Variants in IGF2BP2 observed in about 807,000 individuals in gnomAD.
IGF2BP2 encodes insulin-like growth factor 2 mRNA-binding protein 2.
In IGF2BP2, 17 loss-of-function variants were observed where a neutral mutation model predicts 75.8. That is an observed-to-expected ratio of 0.22 (90% confidence interval 0.15 to 0.34). The LOEUF is 0.34. IGF2BP2 is among the 10% of genes least tolerant of loss of function. IGF2BP2 has a pLI of 1.00. For synonymous variants in IGF2BP2, 288 were observed against 295.6 expected, an observed-to-expected ratio of 0.97 and a Z score of 0.26; for missense variants, 516 against 772.4, an observed-to-expected ratio of 0.67 and a Z score of 3.93.
chr3:185,815,438 ACAACAAGC>A (rs1471856987), intron 2 of IGF2BP2, among the ~76,000 whole-genome samples: 8 of 152,176 alleles, frequency 5.3e-5, no homozygotes, highest in Non-Finnish European at 1.0e-4. Context: ...AATGAGATGG[ACAACAAGC>A]CACTGCCTTC....
chr3:185,710,409 C>G (rs1440477254), intron 2 of IGF2BP2, among the ~76,000 whole-genome samples: 1 of 151,998 alleles, frequency 6.6e-6, no homozygotes, highest in African/African-American at 2.4e-5. Flanking sequence ...GAAGTTTCCT[C>G]TGTTACAGGA....
chr3:185,797,680 G>C (rs1737614454), intron 2 of IGF2BP2, among the ~76,000 whole-genome samples: 1 of 152,096 alleles, frequency 6.6e-6, no homozygotes, highest in Non-Finnish European at 1.5e-5. Flanking sequence ...AATGCAGGCG[G>C]ATCAGCTGGG....
chr3:185,748,488 T>C (rs1730559635), intron 2 of IGF2BP2, among the ~76,000 whole-genome samples: 1 of 152,228 alleles, frequency 6.6e-6, no homozygotes, highest in Non-Finnish European at 1.5e-5. Flanking sequence ...ATAGGTTACA[T>C]AGAAGTTCTC....
At chr3:185,769,358 AT>A (rs201821540) in intron 2 of IGF2BP2, among the ~76,000 whole-genome samples, 2 of 151,948 alleles carry the variant, frequency 1.3e-5, no homozygotes, top group Admixed American at 1.3e-4. Flanking sequence ...CTGTCTCCAA[AT>A]TTTTTTTAAA....
intron 2 of IGF2BP2, among the ~76,000 whole-genome samples, chr3:185,745,224 CTAAA>C (rs1730095098): frequency 6.6e-6 from 1 of 152,094 alleles, no homozygotes; most frequent in African/African-American, 2.4e-5. Flanking sequence ...CTCTGCAATC[CTAAA>C]TAGAGGAATG....
chr3:185,645,694 AG>A lies in IGF2BP2; in HGVS notation c.1708-72del. 3 of 1,146,322 alleles carry A rather than the reference AG, an allele frequency of 2.6e-6. No homozygotes were observed. In the Admixed American group the frequency reaches 5.2e-5, roughly 20 times the overall value. The allele number at this position is 1,146,322 out of a possible 1,614,324, so 71.0% of individuals were successfully genotyped here. A position where few individuals can be genotyped will look rare whatever the true frequency, so the allele number is the denominator to read the frequency against. On this transcript the variant is annotated intron_variant, in intron 15 of 15. Coordinates refer to ENST00000382199, the MANE Select transcript of IGF2BP2 (RefSeq NM_006548.6). The surrounding 1 kb of genome is among the most constrained non-coding windows in gnomAD (Gnocchi z 4.9). ...GAACCCAGTTCTGAGGACAAACGGC[AG>A]GGGAGGCTCTGGGGCTTGGGGATGA...
chr3:185,749,259 T>C (rs1163431131), intron 2 of IGF2BP2, among the ~76,000 whole-genome samples: 1 of 152,220 alleles, frequency 6.6e-6, no homozygotes, highest in Admixed American at 6.5e-5. Context: ...ATGTCAAGGC[T>C]CTGTTGTAAA....
chr3:185,790,211 G>A (rs548082093), intron 2 of IGF2BP2, among the ~76,000 whole-genome samples: 1 of 152,224 alleles, frequency 6.6e-6, no homozygotes, highest in East Asian at 1.9e-4. Flanking sequence ...TTTGCTACCA[G>A]GTGTGCTCAA....
At chr3:185,800,953 T>C (rs1429729368) in intron 2 of IGF2BP2, among the ~76,000 whole-genome samples, 2 of 151,516 alleles carry the variant, frequency 1.3e-5, no homozygotes, top group African/African-American at 4.8e-5. Context: ...AATTTTGCAA[T>C]CTAACCACCT....
chr3:185,738,188 C>T (rs1247577460), intron 2 of IGF2BP2, among the ~76,000 whole-genome samples: 3 of 152,134 alleles, frequency 2.0e-5, no homozygotes, highest in African/African-American at 7.2e-5. Flanking sequence ...TTGATGTCGC[C>T]TTGTGGTAAG....
intron 13 of IGF2BP2, among the ~76,000 whole-genome samples, chr3:185,650,375 G>T (rs113540819): frequency 1.3e-5 from 2 of 150,894 alleles, no homozygotes; most frequent in Non-Finnish European, 2.9e-5. Flanking sequence ...GAGAGTCACC[G>T]TTTTAAAGTA....
At chr3:185,698,442 T>C (rs1338165384) in intron 2 of IGF2BP2, 95 bp from the exon 3 acceptor site, 4 of 1,134,520 alleles carry the variant, frequency 3.5e-6, no homozygotes, top group Non-Finnish European at 5.3e-6. Flanking sequence ...TTGAATTTGT[T>C]TTCTCACTGT....
In IGF2BP2 at chr3:185,811,019, A is replaced by T. The variant is rs143201333; in HGVS notation, c.239+12134T>A. Among the ~76,000 whole-genome samples the T allele has an allele frequency of 3.9e-5, 6 of 152,254 alleles. No individual in the cohort carries two copies. The East Asian group carries it at 1.2e-3, about 29-fold the overall frequency. On this transcript the variant is annotated intron_variant, in intron 2 of 15. Coordinates refer to ENST00000382199, the MANE Select transcript of IGF2BP2 (RefSeq NM_006548.6). ...TTTTTTTCATAAACATGTATTATGA[A>T]ATACTACATAAACTTATAGGACAGT...
intron 2 of IGF2BP2, among the ~76,000 whole-genome samples, chr3:185,734,752 C>T (rs768642508): frequency 2.9e-4 from 44 of 152,220 alleles, no homozygotes; most frequent in Middle Eastern, 3.2e-3. Context: ...TTATGAGACT[C>T]AGGCTAAAAC....
At chr3:185,808,631 C>G (rs1196650109) in intron 2 of IGF2BP2, among the ~76,000 whole-genome samples, 1 of 152,016 alleles carries the variant, frequency 6.6e-6, no homozygotes, top group Admixed American at 6.6e-5. Context: ...GCAATCTCAG[C>G]TCACTGCAAT....
intron 2 of IGF2BP2, among the ~76,000 whole-genome samples, chr3:185,797,217 A>G (rs1383819555): frequency 6.6e-6 from 1 of 152,230 alleles, no homozygotes; most frequent in Non-Finnish European, 1.5e-5. Flanking sequence ...GATACACATG[A>G]ACCTACTCAG....
At chr3:185,763,141 C>T (rs776893204) in intron 2 of IGF2BP2, among the ~76,000 whole-genome samples, 1 of 152,072 alleles carries the variant, frequency 6.6e-6, no homozygotes, top group Non-Finnish European at 1.5e-5. Flanking sequence ...GATCCAGGCA[C>T]TGGTATTTTT....
intron 5 of IGF2BP2, among the ~76,000 whole-genome samples, chr3:185,691,684 T>G (rs1390492484): frequency 6.6e-6 from 1 of 151,894 alleles, no homozygotes; most frequent in Non-Finnish European, 1.5e-5. Flanking sequence ...TGGCTTCAAG[T>G]AATCCTCACC....
intron 2 of IGF2BP2, among the ~76,000 whole-genome samples, chr3:185,800,527 A>G (rs1738068963): frequency 6.6e-6 from 1 of 152,174 alleles, no homozygotes; most frequent in Non-Finnish European, 1.5e-5. Flanking sequence ...ATTTGAGGTC[A>G]GGAGTTCAAG....
Sources: allele counts gnomAD v4.1 joint callset (sites outside exome capture counted in the v4.1 genomes callset), GRCh38; gene constraint gnomAD v4.1.1; non-coding constraint Gnocchi (gnomAD v3.1); transcripts MANE v1.5; gene names NCBI Gene and HGNC (gene_info 2026-07-23, HGNC 2026-07-21).